The following USH2A variants were observed in gnomAD, a reference collection of about 807,000 sequenced individuals.
USH2A encodes usherin.
In USH2A, 443 loss-of-function variants were observed where a neutral mutation model predicts 538.9. The ratio of observed to expected loss-of-function variants is 0.82; its 90% CI spans 0.76 to 0.89. The LOEUF is 0.89. USH2A is among the 40% of genes least tolerant of loss of function. The probability of loss-of-function intolerance (pLI) is 0.00; values close to 1 mark genes in which losing one functional copy is unlikely to be tolerated. For missense variants in USH2A, 6,633 were observed against 6,324.8 expected (o/e 1.05, Z -1.65); for synonymous variants, 2,413 against 2,273.5 (o/e 1.06, Z -1.75).
chr1:215,787,461 A>G (rs1661834566), intron 51 of USH2A, among the ~76,000 whole-genome samples: 1 of 152,142 alleles, frequency 6.6e-6, no homozygotes, highest in Non-Finnish European at 1.5e-5. Context: ...ATAATTATTT[A>G]CGCTTATAAA....
intron 38 of USH2A, among the ~76,000 whole-genome samples, chr1:215,906,672 C>T (rs1254065184): frequency 1.3e-5 from 2 of 151,978 alleles, no homozygotes; most frequent in East Asian, 1.9e-4. Context: ...ATTTCTTTAT[C>T]ATAGCAGGGA....
At position 216,273,821 on chromosome 1, in the gene USH2A, A is replaced by T. The variant is rs542462678; in HGVS notation, c.1971+15459T>A. 7.9e-5 allele frequency among the ~76,000 whole-genome samples: 12 copies of T among 151,894 alleles called. No homozygotes were observed. In the South Asian group the frequency reaches 1.9e-3, roughly 24 times the overall value. ...AATTGTCCTCCAATCCAGAAAAAAA[A>T]AAAAAAACAAACCAGCACACATTCA... On this transcript the variant is annotated intron_variant, in intron 11 of 71. Transcript: ENST00000307340.
At chr1:216,050,592 C>CTTTCTTTT (rs1212775725) in intron 30 of USH2A, among the ~76,000 whole-genome samples, 1 of 82,970 alleles carries the variant, frequency 1.2e-5, no homozygotes, top group Admixed American at 1.5e-4. Flanking sequence ...TTCTTTCTTT[C>CTTTCTTTT]TTTCTTTCTT....
intron 47 of USH2A, among the ~76,000 whole-genome samples, chr1:215,830,256 A>G (rs771846740): frequency 3.7e-4 from 57 of 152,138 alleles, no homozygotes; most frequent in Non-Finnish European, 7.8e-4. Context: ...GAGTATAGGG[A>G]AAACCCCCAT....
intron 60 of USH2A, among the ~76,000 whole-genome samples, chr1:215,741,071 C>T (rs1660287043): frequency 6.6e-6 from 1 of 152,108 alleles, no homozygotes; most frequent in Non-Finnish European, 1.5e-5. Flanking sequence ...TGTTCTGCCC[C>T]ATCACTAAAT....
intron 44 of USH2A, among the ~76,000 whole-genome samples, chr1:215,860,503 T>C (rs1664287478): frequency 6.6e-6 from 1 of 152,150 alleles, no homozygotes; most frequent in Non-Finnish European, 1.5e-5. Flanking sequence ...ATTACTTCAA[T>C]GGCGAAAACC....
chr1:215,731,076 C>A (rs1263490168), intron 60 of USH2A, among the ~76,000 whole-genome samples: 1 of 152,140 alleles, frequency 6.6e-6, no homozygotes, highest in Non-Finnish European at 1.5e-5. Flanking sequence ...CATGACAATT[C>A]AATTAATTTT....
intron 14 of USH2A, among the ~76,000 whole-genome samples, chr1:216,228,336 A>G (rs994672526): frequency 6.6e-6 from 1 of 152,166 alleles, no homozygotes; most frequent in Non-Finnish European, 1.5e-5. Flanking sequence ...GGAGAAAAAT[A>G]GAATCCCTCT....
intron 63 of USH2A, among the ~76,000 whole-genome samples, chr1:215,673,803 C>T (rs1657900614): frequency 6.6e-6 from 1 of 152,108 alleles, no homozygotes; most frequent in Non-Finnish European, 1.5e-5. Flanking sequence ...TGCGTATTTC[C>T]AGGGGGACTA....
chr1:215,630,457 T>A (rs1656226451), intron 70 of USH2A, among the ~76,000 whole-genome samples: 1 of 138,580 alleles, frequency 7.2e-6, no homozygotes, highest in African/African-American at 2.8e-5. Context: ...TATATGTGAA[T>A]ATATATGTAT....
intron 3 of USH2A, among the ~76,000 whole-genome samples, chr1:216,417,791 T>C (rs1033583968): frequency 2.0e-5 from 3 of 152,072 alleles, no homozygotes; most frequent in Admixed American, 6.6e-5. Flanking sequence ...TATAATAAAT[T>C]ACCCAGTCTC....
chr1:216,165,581 A>G (rs1335820949), intron 21 of USH2A, among the ~76,000 whole-genome samples: 1 of 152,220 alleles, frequency 6.6e-6, no homozygotes, highest in Non-Finnish European at 1.5e-5. Context: ...ACGTGGATTT[A>G]AAAATGTGAA....
intron 35 of USH2A, among the ~76,000 whole-genome samples, chr1:215,975,022 T>C (rs747336404): frequency 2.0e-5 from 3 of 152,202 alleles, no homozygotes; most frequent in Admixed American, 6.5e-5. Flanking sequence ...GACTTTTTAA[T>C]AGCAGTCATT....
rs772146621 is a variant in USH2A at position 216,323,614 on chromosome 1, G to T, written c.1410C>A (p.Phe470Leu). The T allele has an allele frequency of 1.2e-6, 2 of 1,613,542 alleles. No individual in the cohort carries two copies. The highest frequency in any genetic ancestry group is 1.7e-6 in the Non-Finnish European group (2 of 1,179,738). The change falls in exon 8 of 72, where the codon TTC (phenylalanine) becomes TTA (leucine). Residue 470 changes from phenylalanine to leucine, a missense_variant. Coordinates refer to ENST00000307340, the MANE Select transcript of USH2A (RefSeq NM_206933.4). Reference sequence around the variant, plus strand: ...ACTCTTGAAGAGATGGGGTATTATAGAAGTTATTGTATCCAGGACGATAAT... The same window carrying T: ...ACTCTTGAAGAGATGGGGTATTATATAAGTTATTGTATCCAGGACGATAAT... ...GPNYRPGYNN[F>L]YNTPSLQEFV...
At chr1:216,162,722 T>C (rs1304593645) in intron 21 of USH2A, among the ~76,000 whole-genome samples, 1 of 151,866 alleles carries the variant, frequency 6.6e-6, no homozygotes, top group African/African-American at 2.4e-5. Flanking sequence ...TTTTGGAGAG[T>C]CGAGTGAAAG....
At chr1:216,019,402 G>T (rs1668791994) in intron 32 of USH2A, among the ~76,000 whole-genome samples, 1 of 152,142 alleles carries the variant, frequency 6.6e-6, no homozygotes, top group South Asian at 2.1e-4. Context: ...TAATAATTTT[G>T]TAGTAATTTT....
At chr1:215,986,000 G>A (rs972912470) in intron 35 of USH2A, among the ~76,000 whole-genome samples, 1 of 152,148 alleles carries the variant, frequency 6.6e-6, no homozygotes, top group African/African-American at 2.4e-5. Flanking sequence ...TTCTCACAAA[G>A]ATGGGCCAAT....
At chr1:215,834,184 C>T (rs12029340) in intron 47 of USH2A, among the ~76,000 whole-genome samples, 60,301 of 151,880 alleles carry the variant, frequency 0.4, 12,330 homozygotes, top group Admixed American at 0.52. Flanking sequence ...AATCCAACTC[C>T]TGGGTATTTA....
intron 21 of USH2A, among the ~76,000 whole-genome samples, chr1:216,170,796 G>T (rs922642025): frequency 3.3e-5 from 5 of 152,034 alleles, no homozygotes; most frequent in African/African-American, 9.7e-5. Flanking sequence ...AAATCAAGTA[G>T]ATTTACTCTG....
Sources: allele counts gnomAD v4.1 joint callset (sites outside exome capture counted in the v4.1 genomes callset), GRCh38; gene constraint gnomAD v4.1.1; transcripts MANE v1.5; gene names NCBI Gene and HGNC (gene_info 2026-07-23, HGNC 2026-07-21).